Variants in HTR3B observed in about 807,000 individuals in gnomAD.
The protein encoded by HTR3B is 5-hydroxytryptamine receptor 3B, also known as 5-hydroxytryptamine (serotonin) receptor 3B, ionotropic.
HTR3B carries 44 observed loss-of-function variants against 42.8 expected under a neutral mutation model. The ratio of observed to expected loss-of-function variants is 1.03; its 90% CI spans 0.81 to 1.32. The LOEUF is 1.32. HTR3B is among the 40% of genes most tolerant of loss of function. The pLI is 0.00. For synonymous variants in HTR3B, 203 were observed against 209.0 expected (o/e 0.97, Z 0.25); for missense variants, 527 against 536.5 (o/e 0.98, Z 0.17).
chr11:113,931,802 TGA>T lies in HTR3B; in HGVS notation c.306_307del (p.Glu102AspfsTer2), dbSNP rs774550044. 9 of 1,613,124 alleles carry T rather than the reference TGA, an allele frequency of 5.6e-6. No individual in the cohort carries two copies. The South Asian group carries it at 9.9e-5, about 18-fold the overall frequency. On this transcript the variant is annotated frameshift_variant, in exon 4 of 9. Coordinates refer to ENST00000260191, the MANE Select transcript of HTR3B (RefSeq NM_006028.5). LOFTEE classifies it high-confidence loss of function. ...TATCCTGGAACTCCAGCATGTTTGA[TGA>T]GATTAGAGAGATCTCCCTACCTCTA... is the stretch of plus-strand genomic sequence containing the variant. ...FLSWNSSMFD[E>X]IREISLPLSA...
chr11:113,930,930 A>C (rs1299902137), intron 2 of HTR3B, among the ~76,000 whole-genome samples: 2 of 152,250 alleles, frequency 1.3e-5, no homozygotes, highest in Admixed American at 1.3e-4. Flanking sequence ...TTATAAGCAG[A>C]GAAATCCAAA....
chr11:113,942,167 G>C (rs1184412), intron 6 of HTR3B, among the ~76,000 whole-genome samples: 13,084 of 152,090 alleles, frequency 0.086, 917 homozygotes, highest in African/African-American at 0.19. Flanking sequence ...GTCAGGAGTT[G>C]GAGACCAGCC....
At chr11:113,934,759 CTTT>C (rs58163738) in intron 6 of HTR3B, among the ~76,000 whole-genome samples, 1 of 146,668 alleles carries the variant, frequency 6.8e-6, no homozygotes, top group Non-Finnish European at 1.5e-5. Context: ...AGCAAGCAAG[CTTT>C]TTTTTTTTTT....
intron 2 of HTR3B, among the ~76,000 whole-genome samples, chr11:113,922,637 G>C (rs558754784): frequency 6.6e-6 from 1 of 152,076 alleles, no homozygotes; most frequent in South Asian, 2.1e-4. Flanking sequence ...CTCACTACAA[G>C]CTCCGCCTCC....
At chr11:113,933,384 C>T (rs1950057335) in intron 6 of HTR3B, among the ~76,000 whole-genome samples, 1 of 152,088 alleles carries the variant, frequency 6.6e-6, no homozygotes, top group East Asian at 1.9e-4. Context: ...TCCACACACA[C>T]TTACATTATG....
Position 113,944,581 on chromosome 11 carries a change from T to G in HTR3B, c.916T>G (p.Phe306Val), listed in dbSNP as rs746411113. ...CTTCTGGCTTCTCTCAGGGCACTTC[T>G]TCACCATCTGCATGGCCTTCTTGGT... ...VGSTPLIGHF[F>V]TICMAFLVLS... is the part of the protein sequence containing the mutation. The change falls in exon 8 of 9, where the codon TTC becomes GTC. Residue 306 changes from phenylalanine (F) to valine (V), a missense_variant. Transcript: ENST00000260191. 1.6e-5 allele frequency: 26 copies of G among 1,613,918 alleles called. 1 individual carries two copies. In the Admixed American group the frequency reaches 4.3e-4, roughly 27 times the overall value.
At position 113,946,621 on chromosome 11, in the gene HTR3B, C is replaced by G. The variant is rs1247524333; in HGVS notation, c.*484C>G. ...ATAGTCTGCTGTGTGACCCAAGGAT[C>G]ATATGTTCATGAAAATGTATAAACA... On this transcript the variant is annotated 3_prime_UTR_variant, in exon 9 of 9. Transcript: ENST00000260191. 6.5e-6 allele frequency: 1 copy of G among 152,850 alleles called. No individual in the cohort carries two copies. Among genetic ancestry groups the G allele is most frequent in the Non-Finnish European group, 1.5e-5 (1 of 68,478 alleles). 9.5% of individuals were successfully genotyped at this position (152,850 alleles called of 1,614,324 possible). A position where few individuals can be genotyped will look rare whatever the true frequency, so the allele number is the denominator to read the frequency against.
chr11:113,931,850 T>C lies in HTR3B; in HGVS notation c.351T>C (p.Asp117=), dbSNP rs1565563704. ...CTCTAAGTGCCATCTGGGCCCCCGA[T>C]ATCATCATCAATGAGTTGTAAGTGT... is the stretch of plus-strand genomic sequence containing the variant. ...SLPLSAIWAP[D]IIINEFVDIE... The change falls in exon 4 of 9, where the codon GAT becomes GAC. Residue 117 remains aspartate, a synonymous_variant. Coordinates refer to ENST00000260191, the MANE Select transcript of HTR3B (RefSeq NM_006028.5). The C allele has an allele frequency of 6.3e-7, 1 of 1,585,068 alleles. No individual in the cohort carries two copies. The highest frequency in any genetic ancestry group is 8.7e-7 in the Non-Finnish European group (1 of 1,153,494).
chr11:113,927,527 A>T (rs1949987668), intron 2 of HTR3B, among the ~76,000 whole-genome samples: 1 of 151,836 alleles, frequency 6.6e-6, no homozygotes, highest in Non-Finnish European at 1.5e-5. Context: ...TAGAATTGAT[A>T]TTCTGGACAA....
chr11:113,944,300 G>A (rs1190300814), intron 7 of HTR3B, among the ~76,000 whole-genome samples: 2 of 152,038 alleles, frequency 1.3e-5, no homozygotes, highest in African/African-American at 4.8e-5. Flanking sequence ...TTACAGGCGT[G>A]AGCCACCAAG....
chr11:113,940,136 G>T (rs370093753), intron 6 of HTR3B, among the ~76,000 whole-genome samples: 7 of 152,028 alleles, frequency 4.6e-5, no homozygotes. Flanking sequence ...ATCCACCCGC[G>T]TTGGCCTCCC....
At chr11:113,932,242 G>A (rs746037580) in intron 4 of HTR3B, 47 bp from the exon 5 acceptor site, 1 of 1,507,886 alleles carries the variant, frequency 6.6e-7, no homozygotes, top group Non-Finnish European at 9.1e-7. Flanking sequence ...GTTTTGAAAT[G>A]ACCAACATCC....
chr11:113,931,620 G>C (rs1405258083), intron 3 of HTR3B, 138 bp from the exon 4 acceptor site: 1 of 675,426 alleles, frequency 1.5e-6, no homozygotes, highest in Non-Finnish European at 2.5e-6. Context: ...TTAGGATTCA[G>C]ATGGGAAGTC....
chr11:113,900,887 C>T (rs1486050879), upstream of HTR3B, among the ~76,000 whole-genome samples: 4 of 152,138 alleles, frequency 2.6e-5, no homozygotes, highest in East Asian at 1.9e-4. Context: ...AAGGGGGAAG[C>T]GCCACACTTT....
At chr11:113,912,468 C>G (rs1949805882) in intron 2 of HTR3B, among the ~76,000 whole-genome samples, 1 of 152,180 alleles carries the variant, frequency 6.6e-6, no homozygotes, top group Admixed American at 6.5e-5. Flanking sequence ...TGGTCTCGAT[C>G]TCCTGACCTC....
chr11:113,943,141 G>T lies in HTR3B; in HGVS notation c.856G>T (p.Val286Phe). Residue 286 changes from valine to phenylalanine, a missense_variant, in exon 7 of 9, where the codon GTC becomes TTC. Transcript: ENST00000260191. ...SVLVGYTVFR[V>F]NMSNQVPRSV... ...GCTGGTGGGCTACACCGTCTTCAGG[G>T]TCAACATGTCCAACCAGGTGCCACG... The T allele has an allele frequency of 1.9e-6, 3 of 1,614,100 alleles. No homozygotes were observed. In the South Asian group the frequency reaches 3.3e-5, roughly 18 times the overall value.
At chr11:113,898,957 G>A in the HTR3B span, among the ~76,000 whole-genome samples, 32 of 152,226 alleles carry the variant, frequency 2.1e-4, no homozygotes, top group Middle Eastern at 3.4e-3. Context: ...TAATGCAGCC[G>A]TAGAAAACTA....
intron 7 of HTR3B, 77 bp from the exon 8 acceptor site, chr11:113,944,496 G>T: frequency 7.1e-7 from 1 of 1,403,004 alleles, no homozygotes. Flanking sequence ...GCAAGACCCT[G>T]TCCCTAAAGA....
In HTR3B at chr11:113,943,073, T is replaced by C. The variant is rs766793685; in HGVS notation, c.788T>C (p.Leu263Pro). 20 of 1,613,952 alleles carry C rather than the reference T, an allele frequency of 1.2e-5. No individual in the cohort carries two copies. In the African/African-American group the frequency reaches 2.1e-4, roughly 17 times the overall value. ...CTGGTGGACCTGGGGAGCTTCTACC[T>C]GCCACCCAACTGCCGAGCCAGGATT... Reference protein sequence around the residue: ...LMLVDLGSFYLPPNCRARIVF... With the variant: ...LMLVDLGSFYPPPNCRARIVF... The change falls in exon 7 of 9, where the codon CTG becomes CCG. Residue 263 changes from leucine (L) to proline (P), a missense_variant. Physicochemically the swap from Leu to Pro is moderately conservative, Grantham distance 98 (BLOSUM62 -3). Coordinates refer to ENST00000260191, the MANE Select transcript of HTR3B (RefSeq NM_006028.5).
Sources: gnomAD v4.1 joint callset for allele counts (sites outside exome capture counted in the v4.1 genomes callset) on GRCh38, gnomAD v4.1.1 for gene constraint, MANE v1.5 for transcripts, NCBI Gene and HGNC (gene_info 2026-07-23, HGNC 2026-07-21) for gene names.